The following GALNT18 variants were observed in gnomAD, a reference collection of about 807,000 sequenced individuals.
The protein encoded by GALNT18 is polypeptide N-acetylgalactosaminyltransferase 18, also known as GalNAc-transferase 18.
In GALNT18, 44 loss-of-function variants were observed where a neutral mutation model predicts 69.5. The ratio of observed to expected loss-of-function variants is 0.63; its 90% CI spans 0.50 to 0.81. The LOEUF is 0.81. Among genes scored for constraint, GALNT18 ranks in the 40% least tolerant of loss-of-function variants. The pLI is 0.00. For synonymous variants in GALNT18, 364 were observed against 318.2 expected, an observed-to-expected ratio of 1.14 and a Z score of -1.53; for missense variants, 715 against 810.0, an observed-to-expected ratio of 0.88 and a Z score of 1.42.
At chr11:11,441,153 C>T (rs1855524529) in intron 2 of GALNT18, among the ~76,000 whole-genome samples, 1 of 152,142 alleles carries the variant, frequency 6.6e-6, no homozygotes, top group Non-Finnish European at 1.5e-5. Flanking sequence ...TCTTTTAAAA[C>T]ATTATACTTC....
chr11:11,501,952 G>C (rs1300092518), intron 1 of GALNT18, among the ~76,000 whole-genome samples: 1 of 152,238 alleles, frequency 6.6e-6, no homozygotes, highest in Non-Finnish European at 1.5e-5. Context: ...TACGTTGCTT[G>C]CTCCTTTGCC....
chr11:11,443,518 T>C (rs778097210), intron 2 of GALNT18, among the ~76,000 whole-genome samples: 15 of 151,972 alleles, frequency 9.9e-5, no homozygotes, highest in Admixed American at 3.3e-4. Flanking sequence ...CTAGATTATT[T>C]TGGAGCCTAC....
chr11:11,606,469 C>A lies in GALNT18; in HGVS notation c.235+14890G>T, dbSNP rs557075175. Among the ~76,000 whole-genome samples the A allele has an allele frequency of 1.3e-3, 192 of 152,290 alleles. 1 individual carries two copies. The highest frequency in any genetic ancestry group is 4.3e-3 in the African/African-American group (177 of 41,562). On this transcript the variant is annotated intron_variant, in intron 1 of 10. Coordinates refer to ENST00000227756, the MANE Select transcript of GALNT18 (RefSeq NM_198516.3). This position sits in a 1 kb window ranked among gnomAD's most constrained non-coding sequence, Gnocchi z 5.4. ...TACATGGCTGATAAATGTGAATTTT[C>A]TCTCTTTTTTCCTCTCCTTGACATA...
intron 1 of GALNT18, among the ~76,000 whole-genome samples, chr11:11,559,177 G>C (rs970685059): frequency 6.6e-6 from 1 of 152,172 alleles, no homozygotes. Flanking sequence ...ATGGAGATTT[G>C]CTGTTTGCCT....
rs140371756 is a variant in GALNT18 at position 11,381,175 on chromosome 11, C to T, written c.596-1911G>A. Among the ~76,000 whole-genome samples the T allele has an allele frequency of 2.4e-4, 36 of 152,344 alleles. No individual in the cohort carries two copies. In the East Asian group the frequency reaches 6.4e-3, roughly 27 times the overall value. ...TCACACTTACAAGGTCTTCAAGCAC[C>T]GTTGCCAGGAGGCTTCTTAAAACAT... On this transcript the variant is annotated intron_variant, in intron 3 of 10. Coordinates refer to ENST00000227756, the MANE Select transcript of GALNT18 (RefSeq NM_198516.3).
In GALNT18 at chr11:11,523,856, T is replaced by C. The variant is rs1018109846; in HGVS notation, c.236-74920A>G. Reference sequence around the variant, plus strand: ...AAGGACACTGGGAAGCTCATGGAATTGCCAAGAGAGGTAGCGAACCAGGCT... The same window carrying C: ...AAGGACACTGGGAAGCTCATGGAATCGCCAAGAGAGGTAGCGAACCAGGCT... On this transcript the variant is annotated intron_variant, in intron 1 of 10. Coordinates refer to ENST00000227756, the MANE Select transcript of GALNT18 (RefSeq NM_198516.3). The surrounding 1 kb of genome is among the most constrained non-coding windows in gnomAD (Gnocchi z 4.3). Among the ~76,000 whole-genome samples, 2 of 152,066 alleles carry C rather than the reference T, an allele frequency of 1.3e-5. No homozygotes were observed. Among genetic ancestry groups the C allele is most frequent in the African/African-American group, 4.8e-5 (2 of 41,410 alleles).
In GALNT18 at chr11:11,372,379, A is replaced by G. The variant is rs1452942845; in HGVS notation, c.1092+136T>C. On this transcript the variant is annotated intron_variant, in intron 6 of 10. Coordinates refer to ENST00000227756, the MANE Select transcript of GALNT18 (RefSeq NM_198516.3). This position sits in a 1 kb window ranked among gnomAD's most constrained non-coding sequence, Gnocchi z 4.9. The stretch of plus-strand genomic sequence containing the variant: ...TCCACCCTGTGTCTTCCCAATCCCA[A>G]TCACACACAGGATTCAGGACTGGAC... 22 of 686,392 alleles carry G rather than the reference A, an allele frequency of 3.2e-5. 2 individuals are homozygous for G. In the East Asian group the frequency reaches 4.6e-4, roughly 14 times the overall value. 42.5% of individuals were successfully genotyped at this position (686,392 alleles called of 1,614,324 possible). A position where few individuals can be genotyped will look rare whatever the true frequency, so the allele number is the denominator to read the frequency against.
At chr11:11,578,330 C>CAAAAAAAAAAAAAAAAAAAAA (rs57579910) in intron 1 of GALNT18, among the ~76,000 whole-genome samples, 2 of 120,596 alleles carry the variant, frequency 1.7e-5, no homozygotes, top group South Asian at 2.7e-4. Context: ...TAAAAAGAAC[C>CAAAAAAAAAAAAAAAAAAAAA]AAAAAAAAAA....
At chr11:11,612,969 G>A (rs1423722461) in intron 1 of GALNT18, among the ~76,000 whole-genome samples, 3 of 152,122 alleles carry the variant, frequency 2.0e-5, no homozygotes, top group Non-Finnish European at 4.4e-5. Flanking sequence ...GCTCCATAAG[G>A]GAAGCCACTG....
Position 11,340,739 on chromosome 11 carries a change from A to C in GALNT18, c.1278+80T>G. On this transcript the variant is annotated intron_variant, in intron 7 of 10. Transcript: ENST00000227756. This position sits in a 1 kb window ranked among gnomAD's most constrained non-coding sequence, Gnocchi z 4.2. ...AACAGGACTCTGGCTGACCCATAGG[A>C]AGAAGGGTTCGGTCCCATATCTTGT... 1.5e-6 allele frequency: 2 copies of C among 1,343,574 alleles called. No individual in the cohort carries two copies. Among genetic ancestry groups the C allele is most frequent in the Non-Finnish European group, 2.0e-6 (2 of 977,782 alleles). 83.2% of individuals were successfully genotyped at this position (1,343,574 alleles called of 1,614,324 possible). A position where few individuals can be genotyped will look rare whatever the true frequency, so the allele number is the denominator to read the frequency against.
intron 10 of GALNT18, 54 bp downstream of exon 10, chr11:11,292,975 C>T: frequency 7.5e-7 from 1 of 1,334,358 alleles, no homozygotes; most frequent in African/African-American, 1.5e-5. Context: ...CCTGAGGCCA[C>T]TCTCCTGGTT....
chr11:11,491,302 T>A (rs773410738), intron 1 of GALNT18, among the ~76,000 whole-genome samples: 1 of 152,136 alleles, frequency 6.6e-6, no homozygotes. Flanking sequence ...AGATATACTA[T>A]CATCCAAGAG....
At chr11:11,281,148 GC>G (rs1209497565) in intron 10 of GALNT18, among the ~76,000 whole-genome samples, 2 of 152,198 alleles carry the variant, frequency 1.3e-5, no homozygotes, top group African/African-American at 2.4e-5. Context: ...ACCAAAACCA[GC>G]CCCGCTCTCT....
chr11:11,529,107 C>T (rs1435114908), intron 1 of GALNT18, among the ~76,000 whole-genome samples: 1 of 152,188 alleles, frequency 6.6e-6, no homozygotes, highest in East Asian at 1.9e-4. Flanking sequence ...GGAGGTACTA[C>T]TAGTGCCTTC....
chr11:11,597,969 A>G (rs990961070), intron 1 of GALNT18, among the ~76,000 whole-genome samples: 9 of 151,970 alleles, frequency 5.9e-5, no homozygotes, highest in African/African-American at 2.2e-4. Flanking sequence ...CAATAATTTG[A>G]GTATTCTTTT....
At chr11:11,448,466 T>A (rs1194000309) in intron 2 of GALNT18, among the ~76,000 whole-genome samples, 1 of 152,256 alleles carries the variant, frequency 6.6e-6, no homozygotes, top group Non-Finnish European at 1.5e-5. Context: ...TTAACAGGAA[T>A]GTGAGATGAT....
intron 1 of GALNT18, among the ~76,000 whole-genome samples, chr11:11,544,933 A>G (rs1276574459): frequency 6.6e-6 from 1 of 152,242 alleles, no homozygotes; most frequent in African/African-American, 2.4e-5. Flanking sequence ...TTGGGATAGG[A>G]TCCCTGCTCT....
rs558638613 is a variant in GALNT18, at chr11:11,368,723, C to CT, written c.1092+3791dup. On this transcript the variant is annotated intron_variant, in intron 6 of 10. Coordinates refer to ENST00000227756, the MANE Select transcript of GALNT18 (RefSeq NM_198516.3). ...GACTGATTATTTTTATAGTGTCTTGCTTCTTATTCATATTTTCAATCTCTT... is the reference window on the plus strand; with the variant it reads ...GACTGATTATTTTTATAGTGTCTTGCTTTCTTATTCATATTTTCAATCTCTT... Among the ~76,000 whole-genome samples, 566 of 152,142 alleles carry CT rather than the reference C, an allele frequency of 3.7e-3. 15 individuals are homozygous for CT. Among genetic ancestry groups the CT allele is most frequent in the East Asian group, 1.3e-3 (7 of 5,188 alleles).
At chr11:11,297,628 G>A (rs4075676) in intron 9 of GALNT18, among the ~76,000 whole-genome samples, 37,097 of 152,072 alleles carry the variant, frequency 0.24, 5,480 homozygotes, top group Middle Eastern at 0.38. Flanking sequence ...GTACCAGAGA[G>A]CTGGAGGAGC....
Sources: gnomAD v4.1 joint callset for allele counts (sites outside exome capture counted in the v4.1 genomes callset) on GRCh38, gnomAD v4.1.1 for gene constraint, Gnocchi (gnomAD v3.1) non-coding constraint, MANE v1.5 for transcripts, NCBI Gene and HGNC (gene_info 2026-07-23, HGNC 2026-07-21) for gene names.